Variants in HACE1 observed in about 807,000 individuals in gnomAD.
HACE1 encodes HECT domain and ankyrin repeat containing E3 ubiquitin protein ligase 1.
A neutral mutation model predicts 118.4 loss-of-function variants in HACE1; 73 were observed. The ratio of observed to expected loss-of-function variants is 0.62; its 90% CI spans 0.51 to 0.75. The LOEUF is 0.75. HACE1 is among the 30% of genes least tolerant of loss of function. HACE1 has a pLI of 0.00. For missense variants in HACE1, 749 were observed against 1,102.2 expected (o/e 0.68, Z 4.54); for synonymous variants, 368 against 374.8 (o/e 0.98, Z 0.21).
intron 12 of HACE1, 84 bp from the exon 13 acceptor site, chr6:104,784,569 G>A (rs1188159644): frequency 4.3e-6 from 4 of 922,342 alleles, no homozygotes; most frequent in Non-Finnish European, 6.8e-6. Flanking sequence ...ATACTGAACT[G>A]GACTGGCTTC....
chr6:104,852,425 A>C, intron 1 of HACE1, 54 bp from the exon 2 acceptor site: 1 of 1,045,814 alleles, frequency 9.6e-7, no homozygotes, highest in South Asian at 1.3e-5. Context: ...GCAAGGGGTG[A>C]TACTTAAGAT....
chr6:104,852,213 G>GTA, intron 2 of HACE1, 104 bp downstream of exon 2: 1 of 697,972 alleles, frequency 1.4e-6, no homozygotes. Flanking sequence ...GTGTGTGTGT[G>GTA]TGTGTGTGTG....
At chr6:104,773,770 TTA>T (rs1780884053) in intron 17 of HACE1, among the ~76,000 whole-genome samples, 3 of 141,844 alleles carry the variant, frequency 2.1e-5, no homozygotes, top group Admixed American at 7.0e-5. Context: ...GGAGACTTTT[TTA>T]AAAAAAAAAA....
chr6:104,737,910 G>A (rs950819015), intron 22 of HACE1, among the ~76,000 whole-genome samples: 2 of 152,216 alleles, frequency 1.3e-5, no homozygotes, highest in Non-Finnish European at 1.5e-5. Flanking sequence ...AGTAACCTCT[G>A]CAGACTTAAA....
intron 7 of HACE1, 58 bp downstream of exon 7, chr6:104,811,247 CATATAT>C (rs3995559): frequency 0.023 from 4,892 of 208,318 alleles, 297 homozygotes; most frequent in African/African-American, 0.14. Flanking sequence ...TTTATTTATA[CATATAT>C]ATATATATAT....
At chr6:104,811,615 T>C (rs565527881) in intron 6 of HACE1, among the ~76,000 whole-genome samples, 16 of 152,248 alleles carry the variant, frequency 1.1e-4, no homozygotes, top group South Asian at 6.2e-4. Flanking sequence ...ATCAGTGTAA[T>C]AGAAACTGTG....
At chr6:104,818,470 C>T (rs1478283758) in intron 6 of HACE1, among the ~76,000 whole-genome samples, 1 of 152,062 alleles carries the variant, frequency 6.6e-6, no homozygotes, top group Non-Finnish European at 1.5e-5. Flanking sequence ...CAAAGAAAAG[C>T]TGCTACCATT....
intron 17 of HACE1, among the ~76,000 whole-genome samples, chr6:104,774,577 G>A (rs1781024165): frequency 6.6e-6 from 1 of 151,218 alleles, no homozygotes; most frequent in African/African-American, 2.4e-5. Context: ...TTAGAGATGG[G>A]GTTTTACCAT....
chr6:104,732,601 A>T (rs909438562), intron 22 of HACE1, among the ~76,000 whole-genome samples: 1 of 152,202 alleles, frequency 6.6e-6, no homozygotes, highest in South Asian at 2.1e-4. Flanking sequence ...GAAAAAATTC[A>T]GAAGATGGAT....
intron 3 of HACE1, among the ~76,000 whole-genome samples, chr6:104,849,998 G>A (rs1427543917): frequency 1.4e-5 from 2 of 147,516 alleles, no homozygotes; most frequent in Non-Finnish European, 3.0e-5. Context: ...CACCCAGGCT[G>A]GAAAGCAGTG....
intron 6 of HACE1, among the ~76,000 whole-genome samples, chr6:104,821,084 AG>A (rs1210201664): frequency 6.6e-6 from 1 of 152,226 alleles, no homozygotes; most frequent in Admixed American, 6.5e-5. Flanking sequence ...AAACTAACAC[AG>A]GAACAGAAAA....
chr6:104,779,176 G>A (rs1020940274), intron 14 of HACE1, among the ~76,000 whole-genome samples: 2 of 152,176 alleles, frequency 1.3e-5, no homozygotes, highest in African/African-American at 4.8e-5. Context: ...CAGACGGCAA[G>A]AAAAGTCAAA....
Position 104,849,259 on chromosome 6 carries a change from TAA to T in HACE1, c.222-15_222-14del, listed in dbSNP as rs756337701. ...CACCGATCCACAACTAAAACAATATTAAAAGACAGTTCAGATACATTCAACAT... is the reference window on the plus strand; with the variant it reads ...CACCGATCCACAACTAAAACAATATTAAGACAGTTCAGATACATTCAACAT... On this transcript the variant is annotated splice_polypyrimidine_tract_variant and intron_variant, in intron 3 of 23. Coordinates refer to ENST00000262903, the MANE Select transcript of HACE1 (RefSeq NM_020771.4). 6 of 1,454,250 alleles carry T rather than the reference TAA, an allele frequency of 4.1e-6. No individual in the cohort carries two copies. The South Asian group carries it at 4.6e-5, about 11-fold the overall frequency. 90.1% of individuals were successfully genotyped at this position (1,454,250 alleles called of 1,614,324 possible).
chr6:104,778,082 C>T (rs1344669505), intron 14 of HACE1, among the ~76,000 whole-genome samples: 1 of 152,112 alleles, frequency 6.6e-6, no homozygotes, highest in Non-Finnish European at 1.5e-5. Context: ...TTTATTCTTA[C>T]TTCTATCCTT....
At chr6:104,769,314 G>A (rs775917937) in intron 19 of HACE1, among the ~76,000 whole-genome samples, 2 of 152,008 alleles carry the variant, frequency 1.3e-5, no homozygotes, top group Non-Finnish European at 2.9e-5. Context: ...GAATACAATT[G>A]TTACTAGATC....
chr6:104,749,819 C>G (rs1398925100), intron 20 of HACE1, among the ~76,000 whole-genome samples: 4 of 151,900 alleles, frequency 2.6e-5, no homozygotes, highest in African/African-American at 4.8e-5. Context: ...AGTAGCAAAA[C>G]CAAACATTCA....
chr6:104,757,744 T>A (rs563604176), intron 19 of HACE1, among the ~76,000 whole-genome samples: 3 of 151,946 alleles, frequency 2.0e-5, no homozygotes, highest in Admixed American at 6.6e-5. Context: ...ATAACAAACT[T>A]CTCCAAATTA....
At chr6:104,858,514 A>G (rs1415345120) in intron 1 of HACE1, 1 of 393,738 alleles carries the variant, frequency 2.5e-6, no homozygotes, top group Non-Finnish European at 5.0e-6. Context: ...AGCCTGGGGA[A>G]CATAGTGAGA....
rs1392003095 is a variant in HACE1 at position 104,744,816 on chromosome 6, T to C, written c.2344-206A>G. 4.6e-5 allele frequency among the ~76,000 whole-genome samples: 7 copies of C among 152,220 alleles called. No individual in the cohort carries two copies. The East Asian group carries it at 1.3e-3, about 29-fold the overall frequency. The stretch of plus-strand genomic sequence containing the variant: ...TCTCAAATATTATAAGATGTGGAGA[T>C]GTTTCCACATTGATACAATTTCATT... On this transcript the variant is annotated intron_variant, in intron 20 of 23. Coordinates refer to ENST00000262903, the MANE Select transcript of HACE1 (RefSeq NM_020771.4).
Sources: gnomAD v4.1 joint callset for allele counts (sites outside exome capture counted in the v4.1 genomes callset) on GRCh38, gnomAD v4.1.1 for gene constraint, MANE v1.5 for transcripts, NCBI Gene and HGNC (gene_info 2026-07-23, HGNC 2026-07-21) for gene names.